ANKMY2: variants seen among roughly 807,000 people sequenced by gnomAD.
ANKMY2 encodes ankyrin repeat and MYND domain-containing protein 2.
In ANKMY2, 36 loss-of-function variants were observed where a neutral mutation model predicts 50.4. The observed-to-expected ratio is 0.71, with a 90% confidence interval of 0.55 to 0.94. ANKMY2 has a LOEUF of 0.94. Ranked by LOEUF, ANKMY2 falls within the 40% of genes least tolerant of loss-of-function variation. The pLI is 0.00. For missense variants in ANKMY2, 565 were observed against 524.0 expected (o/e 1.08, Z -0.76); for synonymous variants, 187 against 178.8 (o/e 1.05, Z -0.36).
At chr7:16,640,081 G>C (rs1781724674) in intron 1 of ANKMY2, among the ~76,000 whole-genome samples, 1 of 152,132 alleles carries the variant, frequency 6.6e-6, no homozygotes, top group African/African-American at 2.4e-5. Context: ...CAGGAGAATT[G>C]CTTGAACCCA....
intron 1 of ANKMY2, among the ~76,000 whole-genome samples, chr7:16,638,766 C>T (rs1490066587): frequency 6.6e-6 from 1 of 152,138 alleles, no homozygotes; most frequent in African/African-American, 2.4e-5. Flanking sequence ...GAACAAAAGA[C>T]ATTTCTAACG....
chr7:16,624,506 G>A (rs1252606089), intron 4 of ANKMY2, among the ~76,000 whole-genome samples: 1 of 152,200 alleles, frequency 6.6e-6, no homozygotes, highest in Non-Finnish European at 1.5e-5. Flanking sequence ...ATTAACAACA[G>A]TAACTAATAC....
At chr7:16,640,258 A>G (rs1781726608) in intron 1 of ANKMY2, among the ~76,000 whole-genome samples, 1 of 152,228 alleles carries the variant, frequency 6.6e-6, no homozygotes, top group Non-Finnish European at 1.5e-5. Flanking sequence ...AACAATATCC[A>G]TCCCACAGTT....
rs149818869 is a variant in ANKMY2, at chr7:16,610,760, C to T, written c.535G>A (p.Val179Met). ...TTTNLHPVKI[V>M]MLVNENPLLT... ...AGAGGATTCTCATTTACAAGCATCA[C>T]GATCTAGAGGAAATCCCAGTGTACT... Residue 179 changes from valine (V) to methionine (M), a missense_variant, in exon 6 of 10, where the codon GTG (valine) becomes ATG (methionine). Val to Met is a conservative substitution (Grantham distance 21). Transcript: ENST00000306999. 2.4e-5 allele frequency: 38 copies of T among 1,613,202 alleles called. 1 individual carries two copies. Among genetic ancestry groups the T allele is most frequent in the Admixed American group, 2.3e-4 (14 of 59,964 alleles).
intron 2 of ANKMY2, among the ~76,000 whole-genome samples, chr7:16,630,190 T>C (rs1318414122): frequency 6.6e-6 from 1 of 152,180 alleles, no homozygotes; most frequent in East Asian, 1.9e-4. Context: ...TTTCATAAAA[T>C]GTTATCATAT....
At chr7:16,612,629 A>G (rs572685307) in intron 5 of ANKMY2, among the ~76,000 whole-genome samples, 1 of 152,206 alleles carries the variant, frequency 6.6e-6, no homozygotes, top group Non-Finnish European at 1.5e-5. Flanking sequence ...AAAAAATTTC[A>G]AACAGAGCCC....
chr7:16,639,728 G>C (rs895263024), intron 1 of ANKMY2, among the ~76,000 whole-genome samples: 5 of 152,168 alleles, frequency 3.3e-5, no homozygotes, highest in African/African-American at 1.2e-4. Context: ...GCTGCAGTGA[G>C]CTATGATCAT....
chr7:16,608,662 T>C (rs1781197588), intron 7 of ANKMY2, among the ~76,000 whole-genome samples: 2 of 152,096 alleles, frequency 1.3e-5, no homozygotes, highest in South Asian at 2.1e-4. Flanking sequence ...TTGAAACGTA[T>C]AAAAGCATGA....
chr7:16,635,449 A>G (rs769986543), intron 2 of ANKMY2, among the ~76,000 whole-genome samples: 3 of 152,194 alleles, frequency 2.0e-5, no homozygotes, highest in Non-Finnish European at 2.9e-5. Context: ...TTTTACAGGT[A>G]TATACATATG....
chr7:16,616,004 C>G, intron 4 of ANKMY2, 100 bp from the exon 5 acceptor site: 5 of 1,129,890 alleles, frequency 4.4e-6, no homozygotes, highest in Non-Finnish European at 4.9e-6. Context: ...TGTAAACATG[C>G]ACCAATATCT....
chr7:16,603,636 T>C (rs1405208031), intron 8 of ANKMY2: 1 of 471,188 alleles, frequency 2.1e-6, no homozygotes, highest in East Asian at 6.9e-5. Context: ...ATACACTTTC[T>C]CACATGATTT....
At chr7:16,632,428 C>T (rs1781602342) in intron 2 of ANKMY2, among the ~76,000 whole-genome samples, 4 of 152,098 alleles carry the variant, frequency 2.6e-5, no homozygotes, top group African/African-American at 7.2e-5. Flanking sequence ...TTACTCAGCC[C>T]CAGTCATCCA....
At chr7:16,603,876 G>T (rs879641294) in intron 8 of ANKMY2, among the ~76,000 whole-genome samples, 2 of 152,328 alleles carry the variant, frequency 1.3e-5, no homozygotes, top group Admixed American at 1.3e-4. Context: ...CCCCAGCTGA[G>T]AACAGCCAAC....
At chr7:16,627,622 T>G (rs75194392) in intron 2 of ANKMY2, among the ~76,000 whole-genome samples, 7,460 of 152,340 alleles carry the variant, frequency 0.049, 239 homozygotes, top group South Asian at 0.069. Flanking sequence ...ATTAAATGAA[T>G]GATTCATCTG....
intron 9 of ANKMY2, among the ~76,000 whole-genome samples, chr7:16,601,291 G>A (rs1360179341): frequency 1.3e-5 from 2 of 152,206 alleles, no homozygotes; most frequent in African/African-American, 4.8e-5. Context: ...GTAATTGCCT[G>A]CATGAAGTTG....
Position 16,615,743 on chromosome 7 carries a change from C to T in ANKMY2, c.531+1G>A. On this transcript the variant is annotated splice_donor_variant, in intron 5 of 9. Coordinates refer to ENST00000306999, the MANE Select transcript of ANKMY2 (RefSeq NM_020319.3). LOFTEE classifies it high-confidence loss of function. ...AGCAAATACGGTAGACACCACACTA[C>T]CTTGACAGGATGAAGATTCGTTGTG... The T allele has an allele frequency of 1.2e-6, 2 of 1,614,150 alleles. No individual in the cohort carries two copies. Among genetic ancestry groups the T allele is most frequent in the Non-Finnish European group, 1.7e-6 (2 of 1,180,026 alleles).
Position 16,644,660 on chromosome 7 carries a change from A to C in ANKMY2, c.67+847T>G, listed in dbSNP as rs116225631. 3.7e-3 allele frequency: 1,730 copies of C among 471,008 alleles called. 36 individuals are homozygous for C. Among genetic ancestry groups the C allele is most frequent in the African/African-American group, 0.031 (1,558 of 50,200 alleles). The allele number at this position is 471,008 out of a possible 1,614,324, so 29.2% of individuals were successfully genotyped here. A position where few individuals can be genotyped will look rare whatever the true frequency, so the allele number is the denominator to read the frequency against. The stretch of plus-strand genomic sequence containing the variant: ...TCCCTGCACCGTGAGGGTGCAGAAG[A>C]AGCATGCAGTCACGCTGATGTCACC... On this transcript the variant is annotated intron_variant, in intron 1 of 9. Coordinates refer to ENST00000306999, the MANE Select transcript of ANKMY2 (RefSeq NM_020319.3).
At chr7:16,608,257 A>G (rs1300731173) in intron 7 of ANKMY2, among the ~76,000 whole-genome samples, 1 of 152,244 alleles carries the variant, frequency 6.6e-6, no homozygotes, top group Non-Finnish European at 1.5e-5. Context: ...GCCAAGACAC[A>G]TTTGTAATTG....
intron 7 of ANKMY2, among the ~76,000 whole-genome samples, chr7:16,609,294 T>G (rs905578639): frequency 1.3e-5 from 2 of 152,176 alleles, no homozygotes; most frequent in African/African-American, 4.8e-5. Context: ...TGTATGACTT[T>G]GTGCTGATAA....
Sources: allele counts gnomAD v4.1 joint callset (sites outside exome capture counted in the v4.1 genomes callset), GRCh38; gene constraint gnomAD v4.1.1; transcripts MANE v1.5; gene names NCBI Gene and HGNC (gene_info 2026-07-23, HGNC 2026-07-21).